SPINT3: variants seen among roughly 807,000 people sequenced by gnomAD.
SPINT3 encodes serine peptidase inhibitor, Kunitz type 3.
Under a neutral mutation model 3.3 loss-of-function variants are expected in SPINT3, and 4 were observed. That is an observed-to-expected ratio of 1.22 (90% CI 0.60 to 2.79). The LOEUF (loss-of-function observed/expected upper bound fraction) is 2.79, where lower values mean the gene tolerates loss of function less well. SPINT3 is among the 30% of genes most tolerant of loss of function. The probability of loss-of-function intolerance (pLI) is 0.01; values close to 1 mark genes in which losing one functional copy is unlikely to be tolerated. For missense variants in SPINT3, 97 were observed against 104.3 expected, an observed-to-expected ratio of 0.93 and a Z score of 0.31; for synonymous variants, 30 against 38.6, an observed-to-expected ratio of 0.78 and a Z score of 0.83.
chr20:45,515,407 C>A, intron 1 of SPINT3, 126 bp downstream of exon 1: 2 of 785,296 alleles, frequency 2.5e-6, no homozygotes, highest in Non-Finnish European at 4.2e-6. Context: ...GTGAATTGAA[C>A]TGAATTGACT....
intron 1 of SPINT3, among the ~76,000 whole-genome samples, chr20:45,514,027 C>T (rs542315321): frequency 1.4e-4 from 21 of 152,290 alleles, no homozygotes; most frequent in South Asian, 1.2e-3. Flanking sequence ...GCAAGGCTGA[C>T]GCTAAGGGTG....
intron 1 of SPINT3, among the ~76,000 whole-genome samples, chr20:45,513,184 T>A (rs1474222487): frequency 6.6e-6 from 1 of 152,234 alleles, no homozygotes; most frequent in African/African-American, 2.4e-5. Context: ...TTGAACCACA[T>A]CATCTCTGAG....
At chr20:45,515,390 T>C in intron 1 of SPINT3, 143 bp downstream of exon 1, 2 of 723,162 alleles carry the variant, frequency 2.8e-6, no homozygotes. Context: ...AACATATGTC[T>C]GATGAAGTGA....
intron 1 of SPINT3, 99 bp from the exon 2 acceptor site, chr20:45,512,943 G>T: frequency 2.2e-6 from 2 of 896,196 alleles, no homozygotes; most frequent in Non-Finnish European, 3.4e-6. Context: ...CAATTGTGAG[G>T]CCATCCACAA....
intron 1 of SPINT3, among the ~76,000 whole-genome samples, chr20:45,514,420 A>G (rs2145527857): frequency 6.6e-6 from 1 of 152,322 alleles, no homozygotes; most frequent in East Asian, 1.9e-4. Context: ...CTTTTTTTAT[A>G]GAAGAAGAAA....
chr20:45,512,629 G>A lies in SPINT3; in HGVS notation c.*22C>T. Reference sequence around the variant, plus strand: ...CTCAGAGCAATCCCGAATCCATGGAGGGCTGTGTTCTTGTTAGAAAATCAG... The same window carrying A: ...CTCAGAGCAATCCCGAATCCATGGAAGGCTGTGTTCTTGTTAGAAAATCAG... On this transcript the variant is annotated 3_prime_UTR_variant, in exon 2 of 2. Coordinates refer to ENST00000217428, the MANE Select transcript of SPINT3 (RefSeq NM_006652.2). The A allele has an allele frequency of 1.3e-6, 2 of 1,549,956 alleles. No homozygotes were observed. The highest frequency in any genetic ancestry group is 1.7e-6 in the Non-Finnish European group (2 of 1,145,948).
In SPINT3 at chr20:45,512,982, A is replaced by T. The variant is rs1978779494; in HGVS notation, c.77-138T>A. On this transcript the variant is annotated intron_variant, in intron 1 of 1. Coordinates refer to ENST00000217428, the MANE Select transcript of SPINT3 (RefSeq NM_006652.2). ...CTGTGCTCTGTACCTCTTTCTACCCAGCTATGGTCTGATCTGTCTACACAG... is the reference window on the plus strand; with the variant it reads ...CTGTGCTCTGTACCTCTTTCTACCCTGCTATGGTCTGATCTGTCTACACAG... The T allele has an allele frequency of 6.2e-6, 4 of 649,904 alleles. No homozygotes were observed. In the East Asian group the frequency reaches 1.1e-4, roughly 18 times the overall value. The allele number at this position is 649,904 out of a possible 1,614,324, so 40.3% of individuals were successfully genotyped here. A position where few individuals can be genotyped will look rare whatever the true frequency, so the allele number is the denominator to read the frequency against.
intron 1 of SPINT3, among the ~76,000 whole-genome samples, chr20:45,514,377 T>C (rs568470923): frequency 6.6e-6 from 1 of 152,346 alleles, no homozygotes; most frequent in South Asian, 2.1e-4. Context: ...TACATCAGAC[T>C]ATTTGATTAA....
intron 1 of SPINT3, 31 bp from the exon 2 acceptor site, chr20:45,512,875 A>G: frequency 1.3e-6 from 2 of 1,525,496 alleles, no homozygotes; most frequent in Non-Finnish European, 1.8e-6. Flanking sequence ...AAGGAGACCA[A>G]ACCCATCACC....
At chr20:45,514,065 C>G (rs1049880270) in intron 1 of SPINT3, among the ~76,000 whole-genome samples, 6 of 152,178 alleles carry the variant, frequency 3.9e-5, no homozygotes, top group African/African-American at 1.4e-4. Flanking sequence ...GGCAGAATAG[C>G]TTATTCAATC....
chr20:45,513,751 C>T (rs1978801306), intron 1 of SPINT3, among the ~76,000 whole-genome samples: 1 of 152,228 alleles, frequency 6.6e-6, no homozygotes, highest in African/African-American at 2.4e-5. Context: ...CAGTTTTACT[C>T]TTCATGGTAG....
intron 1 of SPINT3, among the ~76,000 whole-genome samples, chr20:45,514,837 G>A (rs1978828368): frequency 6.6e-6 from 1 of 152,188 alleles, no homozygotes; most frequent in South Asian, 2.1e-4. Context: ...ATGCAAGAAT[G>A]TTCACTGGCA....
At chr20:45,514,690 C>T (rs1365979994) in intron 1 of SPINT3, among the ~76,000 whole-genome samples, 2 of 152,172 alleles carry the variant, frequency 1.3e-5, no homozygotes, top group East Asian at 1.9e-4. Context: ...ACTGCTGCTG[C>T]TATTGCTGTC....
Position 45,512,545 on chromosome 20 carries a change from G to C in SPINT3, c.*106C>G. The C allele has an allele frequency of 9.2e-7, 1 of 1,082,886 alleles. No homozygotes were observed. The highest frequency in any genetic ancestry group is 1.6e-5 in the South Asian group (1 of 61,458). 67.1% of individuals were successfully genotyped at this position (1,082,886 alleles called of 1,614,324 possible). On this transcript the variant is annotated 3_prime_UTR_variant, in exon 2 of 2. Transcript: ENST00000217428. Reference sequence around the variant, plus strand: ...CAGGGAGAATAAATGTGGGGGTAGAGGAATGAACCTCTTGTTCACACACAC... The same window carrying C: ...CAGGGAGAATAAATGTGGGGGTAGACGAATGAACCTCTTGTTCACACACAC...
Position 45,512,545 on chromosome 20 carries a change from G to A in SPINT3, c.*106C>T. ...CAGGGAGAATAAATGTGGGGGTAGA[G>A]GAATGAACCTCTTGTTCACACACAC... On this transcript the variant is annotated 3_prime_UTR_variant, in exon 2 of 2. Transcript: ENST00000217428. 6 of 1,082,886 alleles carry A rather than the reference G, an allele frequency of 5.5e-6. No homozygotes were observed. The highest frequency in any genetic ancestry group is 4.9e-5 in the South Asian group (3 of 61,458). The allele number at this position is 1,082,886 out of a possible 1,614,324, so 67.1% of individuals were successfully genotyped here. A position where few individuals can be genotyped will look rare whatever the true frequency, so the allele number is the denominator to read the frequency against.
chr20:45,513,301 A>G (rs1978787610), intron 1 of SPINT3, among the ~76,000 whole-genome samples: 1 of 152,198 alleles, frequency 6.6e-6, no homozygotes, highest in South Asian at 2.1e-4. Context: ...GAGAAGGAGG[A>G]CAGACTTTGA....
chr20:45,514,282 G>T (rs1192356485), intron 1 of SPINT3, among the ~76,000 whole-genome samples: 1 of 152,150 alleles, frequency 6.6e-6, no homozygotes, highest in Non-Finnish European at 1.5e-5. Flanking sequence ...ATGACACCCT[G>T]TGTGTGTGTT....
At chr20:45,513,308 TTGAATC>T (rs1048210312) in intron 1 of SPINT3, among the ~76,000 whole-genome samples, 1 of 152,220 alleles carries the variant, frequency 6.6e-6, no homozygotes, top group African/African-American at 2.4e-5. Flanking sequence ...AGGACAGACT[TTGAATC>T]TGAGAGCAAG....
chr20:45,515,465 T>TCCCCCCCCCC, intron 1 of SPINT3, 68 bp downstream of exon 1: 1 of 1,333,642 alleles, frequency 7.5e-7, no homozygotes, highest in Admixed American at 2.0e-5. Context: ...CTGCATCACC[T>TCCCCCCCCCC]CCCCCACCAC....
Sources: allele counts gnomAD v4.1 joint callset (sites outside exome capture counted in the v4.1 genomes callset), GRCh38; gene constraint gnomAD v4.1.1; transcripts MANE v1.5; gene names NCBI Gene and HGNC (gene_info 2026-07-23, HGNC 2026-07-21).